The following AFM variants were observed in gnomAD, a reference collection of about 807,000 sequenced individuals.
The protein encoded by AFM is afamin.
Under a neutral mutation model 68.7 loss-of-function variants are expected in AFM, and 82 were observed. The ratio of observed to expected loss-of-function variants is 1.19; its 90% CI spans 1.00 to 1.43. The LOEUF (loss-of-function observed/expected upper bound fraction) is 1.43. Among genes scored for constraint, AFM ranks in the 40% most tolerant of loss-of-function variants. The probability of loss-of-function intolerance (pLI) is 0.00; values close to 1 mark genes in which losing one functional copy is unlikely to be tolerated. For synonymous variants in AFM, 250 were observed against 234.2 expected (o/e 1.07, Z -0.61); for missense variants, 772 against 701.8 (o/e 1.10, Z -1.13).
chr4:73,495,125 TG>T, intron 8 of AFM, 174 bp from the exon 9 acceptor site: 1 of 471,344 alleles, frequency 2.1e-6, no homozygotes, highest in East Asian at 3.3e-5. Flanking sequence ...AGAGAACTTT[TG>T]TAAAATGATC....
chr4:73,485,048 G>T (rs1358164356), intron 3 of AFM, among the ~76,000 whole-genome samples: 1 of 152,178 alleles, frequency 6.6e-6, no homozygotes, highest in Non-Finnish European at 1.5e-5. Flanking sequence ...TATGTATACA[G>T]TATGCCCTAT....
chr4:73,491,088 G>A (rs571841242), intron 7 of AFM, among the ~76,000 whole-genome samples: 57 of 152,308 alleles, frequency 3.7e-4, no homozygotes, highest in Middle Eastern at 6.8e-3. Flanking sequence ...CTGAAACGGA[G>A]AGGGGAAATA....
At chr4:73,496,000 C>G (rs993878222) in intron 9 of AFM, among the ~76,000 whole-genome samples, 4 of 152,130 alleles carry the variant, frequency 2.6e-5, no homozygotes, top group Non-Finnish European at 5.9e-5. Flanking sequence ...ATGTTTGGAC[C>G]TGTTTTTTTA....
intron 8 of AFM, 58 bp from the exon 9 acceptor site, chr4:73,495,242 G>T: frequency 1.3e-6 from 2 of 1,484,946 alleles, no homozygotes; most frequent in South Asian, 1.3e-5. Context: ...CAAAATAGTG[G>T]AATTGGGTTT....
Position 73,492,069 on chromosome 4 carries a change from A to C in AFM, c.1041A>C (p.Pro347=), listed in dbSNP as rs768307298. 1.9e-6 allele frequency: 3 copies of C among 1,608,938 alleles called. No homozygotes were observed. In the South Asian group the frequency reaches 3.4e-5, roughly 18 times the overall value. ...ENVCQERDAD[P]DTFFAKFTFE... ...TGTGTCAAGAACGAGATGCTGACCC[A>C]GACACCTTCTTTGCGAAGTAATATA... The change falls in exon 8 of 15, where the codon CCA becomes CCC. Residue 347 remains proline (P), a synonymous_variant. Transcript: ENST00000226355.
At position 73,495,447 on chromosome 4, in the gene AFM, T is replaced by C. The variant is rs563955783; in HGVS notation, c.1191+15T>C. The C allele has an allele frequency of 1.7e-5, 27 of 1,595,820 alleles. No individual in the cohort carries two copies. In the South Asian group the frequency reaches 3.0e-4, roughly 18 times the overall value. On this transcript the variant is annotated intron_variant, in intron 9 of 14. Coordinates refer to ENST00000226355, the MANE Select transcript of AFM (RefSeq NM_001133.2). ...ACCGTTACGCGGTAGGTTCCATTGTTGTAGGTTCAGAAAATCAAAAAAGAA... is the reference window on the plus strand; with the variant it reads ...ACCGTTACGCGGTAGGTTCCATTGTCGTAGGTTCAGAAAATCAAAAAAGAA...
chr4:73,497,430 A>T (rs968614062), intron 9 of AFM, among the ~76,000 whole-genome samples: 1 of 152,200 alleles, frequency 6.6e-6, no homozygotes, highest in East Asian at 1.9e-4. Flanking sequence ...AGGTGATAAT[A>T]AAAAAATTTG....
In AFM at chr4:73,485,900, G is replaced by A. The variant is rs759749116; in HGVS notation, c.309G>A (p.Gly103=). 2 of 1,613,860 alleles carry A rather than the reference G, an allele frequency of 1.2e-6. No individual in the cohort carries two copies. The highest frequency in any genetic ancestry group is 1.1e-5 in the South Asian group (1 of 91,074). The part of the protein sequence containing the change: ...VLQEKICAME[G]LPQKHNFSHC... Reference sequence around the variant, plus strand: ...AGGAAAAAATATGTGCTATGGAGGGGCTGCCACAAAAGCATAATTTCTCAC... The same window carrying A: ...AGGAAAAAATATGTGCTATGGAGGGACTGCCACAAAAGCATAATTTCTCAC... The change falls in exon 4 of 15, where the codon GGG becomes GGA. Residue 103 remains glycine, a synonymous_variant. Transcript: ENST00000226355.
intron 10 of AFM, among the ~76,000 whole-genome samples, chr4:73,498,541 C>A (rs1336538445): frequency 6.6e-6 from 1 of 152,144 alleles, no homozygotes; most frequent in African/African-American, 2.4e-5. Context: ...ACCCTTCGGA[C>A]TTTGCTGGGA....
Position 73,499,155 on chromosome 4 carries a change from C to T in AFM, c.1331C>T (p.Thr444Ile), listed in dbSNP as rs1461880984. The stretch of plus-strand genomic sequence containing the variant: ...ACGAAGATAGCTCCCCAACTCTCCA[C>T]TGAAGAACTGGTGTCTCTTGGCGAG... ...RLTKIAPQLS[T>I]EELVSLGEKM... The change falls in exon 11 of 15, where the codon ACT (threonine) becomes ATT (isoleucine). Residue 444 changes from threonine to isoleucine, a missense_variant. Transcript: ENST00000226355. 1 of 1,613,486 alleles carries T rather than the reference C, an allele frequency of 6.2e-7. No homozygotes were observed. Among genetic ancestry groups the T allele is most frequent in the South Asian group, 1.1e-5 (1 of 91,020 alleles).
chr4:73,490,724 A>G (rs1354005261), intron 7 of AFM, among the ~76,000 whole-genome samples: 2 of 152,230 alleles, frequency 1.3e-5, no homozygotes, highest in Non-Finnish European at 2.9e-5. Flanking sequence ...TTAAGGGATT[A>G]TGTCTCAAAT....
intron 8 of AFM, 77 bp from the exon 9 acceptor site, chr4:73,495,223 A>C: frequency 7.2e-7 from 1 of 1,383,200 alleles, no homozygotes; most frequent in Non-Finnish European, 9.8e-7. Context: ...ATTAGATCTG[A>C]CTGGATTACA....
Position 73,500,051 on chromosome 4 carries a change from T to A in AFM, c.1470T>A (p.Thr490=). The A allele has an allele frequency of 2.5e-6, 4 of 1,614,058 alleles. No individual in the cohort carries two copies. The change falls in exon 12 of 15, where the codon ACT becomes ACA. Residue 490 remains threonine, a synonymous_variant. Transcript: ENST00000226355. ...GELCGVNENR[T]INPAVDHCCK... is the part of the protein sequence containing the mutation. ...TATGTGGAGTAAATGAAAATCGAAC[T>A]ATCAACCCTGCTGTGGACCACTGCT...
intron 3 of AFM, among the ~76,000 whole-genome samples, chr4:73,485,596 G>GGAAGAA (rs1720872065): frequency 2.1e-5 from 3 of 145,306 alleles, no homozygotes; most frequent in African/African-American, 5.1e-5. Flanking sequence ...AAGGAGAAGA[G>GGAAGAA]GAAGAGGAAG....
At position 73,488,339 on chromosome 4, in the gene AFM, G is replaced by T. The variant is rs1720968768; in HGVS notation, c.714-291G>T. ...CTGCCATGAGCTTACAATAGGAAGT[G>T]GTGGCCTTACACAGCATGTCTTACT... On this transcript the variant is annotated intron_variant, in intron 6 of 14. Coordinates refer to ENST00000226355, the MANE Select transcript of AFM (RefSeq NM_001133.2). Among the ~76,000 whole-genome samples, 3 of 152,102 alleles carry T rather than the reference G, an allele frequency of 2.0e-5. No individual in the cohort carries two copies. The South Asian group carries it at 6.2e-4, about 32-fold the overall frequency.
Position 73,488,689 on chromosome 4 carries a change from T to G in AFM, c.773T>G (p.Leu258Arg). ...ATTGAATTTAAGGAGCTTATTTCTC[T>G]TGTAGAAGATGTTTCTTCCAACTAT... ...PKIEFKELIS[L>R]VEDVSSNYDG... is the part of the protein sequence containing the mutation. Residue 258 changes from leucine (L) to arginine (R), a missense_variant, in exon 7 of 15, where the codon CTT (leucine) becomes CGT (arginine). Leu to Arg is a moderately radical substitution (Grantham distance 102). Coordinates refer to ENST00000226355, the MANE Select transcript of AFM (RefSeq NM_001133.2). 1.2e-6 allele frequency: 2 copies of G among 1,613,232 alleles called. No homozygotes were observed. The highest frequency in any genetic ancestry group is 1.7e-6 in the Non-Finnish European group (2 of 1,179,408).
At chr4:73,493,464 T>C (rs1198487377) in intron 8 of AFM, among the ~76,000 whole-genome samples, 1 of 152,130 alleles carries the variant, frequency 6.6e-6, no homozygotes, top group Non-Finnish European at 1.5e-5. Context: ...CAGAAGAGAA[T>C]TTTATATGTG....
Position 73,488,778 on chromosome 4 carries a change from C to A in AFM, c.843+19C>A. 1 of 1,590,044 alleles carries A rather than the reference C, an allele frequency of 6.3e-7. No individual in the cohort carries two copies. Among genetic ancestry groups the A allele is most frequent in the Non-Finnish European group, 8.5e-7 (1 of 1,172,260 alleles). On this transcript the variant is annotated intron_variant, in intron 7 of 14. Transcript: ENST00000226355. Reference sequence around the variant, plus strand: ...TGACACGGTGAATATTCTCTAAAACCAAGTTAAAATAGTGATTTTTGGCAA... The same window carrying A: ...TGACACGGTGAATATTCTCTAAAACAAAGTTAAAATAGTGATTTTTGGCAA...
At chr4:73,503,452 G>A (rs1721471539) in intron 14 of AFM, among the ~76,000 whole-genome samples, 1 of 152,134 alleles carries the variant, frequency 6.6e-6, no homozygotes, top group African/African-American at 2.4e-5. Context: ...ACAGAAAGAA[G>A]AGGGGTAACT....
Sources: gnomAD v4.1 joint callset for allele counts (sites outside exome capture counted in the v4.1 genomes callset) on GRCh38, gnomAD v4.1.1 for gene constraint, MANE v1.5 for transcripts, NCBI Gene and HGNC (gene_info 2026-07-23, HGNC 2026-07-21) for gene names.